The following GRM4 variants were observed in gnomAD, a reference collection of about 807,000 sequenced individuals.
The protein encoded by GRM4 is glutamate metabotropic receptor 4, also known as metabotropic glutamate receptor 4.
In GRM4, 28 loss-of-function variants were observed where a neutral mutation model predicts 81.7. That is an observed-to-expected ratio of 0.34 (90% CI 0.25 to 0.47). GRM4 has a LOEUF of 0.47. GRM4 is among the 20% of genes least tolerant of loss of function. The pLI is 1.00. For synonymous variants in GRM4, 488 were observed against 528.8 expected, an observed-to-expected ratio of 0.92 and a Z score of 1.06; for missense variants, 948 against 1,290.0, an observed-to-expected ratio of 0.73 and a Z score of 4.06.
chr6:34,144,730 C>T (rs899303720), intron 1 of GRM4, among the ~76,000 whole-genome samples: 3 of 152,152 alleles, frequency 2.0e-5, no homozygotes, highest in African/African-American at 7.2e-5. Context: ...CTCCGCAGAC[C>T]GGGATGCGCT....
At position 34,133,149 on chromosome 6, in the gene GRM4, G is replaced by A. The variant is rs777645921; in HGVS notation, c.348C>T (p.Leu116=). 6.8e-6 allele frequency: 11 copies of A among 1,613,902 alleles called. No homozygotes were observed. The highest frequency in any genetic ancestry group is 6.7e-5 in the East Asian group (3 of 44,882). ...LDTCSRDTHA[L]EQSLTFVQAL... ...CCTGCACAAAGGTCAGCGACTGCTC[G>A]AGGGCATGGGTGTCCCTGGAGCAGG... The change falls in exon 2 of 11, where the codon CTC becomes CTT. Residue 116 remains leucine, a synonymous_variant. Transcript: ENST00000538487. This position sits in a 1 kb window ranked among gnomAD's most constrained non-coding sequence, Gnocchi z 6.5.
intron 2 of GRM4, chr6:34,100,007 C>A: frequency 1.0e-6 from 1 of 964,726 alleles, no homozygotes; most frequent in Non-Finnish European, 1.2e-6. Flanking sequence ...CAGGACTTGA[C>A]TCCCTCATTA....
intron 5 of GRM4, among the ~76,000 whole-genome samples, chr6:34,058,135 G>A (rs1765999425): frequency 6.6e-6 from 1 of 152,150 alleles, no homozygotes; most frequent in Admixed American, 6.5e-5. Context: ...GCAGGGACAG[G>A]CATGGGCCTG....
exon 1 of GRM4, chr6:34,155,498 C>G: frequency 1.5e-6 from 1 of 659,046 alleles, no homozygotes; most frequent in Non-Finnish European, 2.4e-6. Flanking sequence ...TCCCTGTGTC[C>G]AGGCCGCATC....
At position 34,036,050 on chromosome 6, in the gene GRM4, G is replaced by A. The variant is rs563067879; in HGVS notation, c.2060C>T (p.Ser687Leu). 3.1e-5 allele frequency: 50 copies of A among 1,614,136 alleles called. No individual in the cohort carries two copies. Among genetic ancestry groups the A allele is most frequent in the Middle Eastern group, 1.6e-4 (1 of 6,062 alleles). Residue 687 changes from serine (S) to leucine (L), a missense_variant, in exon 9 of 11, where the codon TCG (serine) becomes TTG (leucine). Coordinates refer to ENST00000538487, the MANE Select transcript of GRM4 (RefSeq NM_000841.4). This position sits in a 1 kb window ranked among gnomAD's most constrained non-coding sequence, Gnocchi z 9.0. Reference protein sequence around the residue: ...IYRIFEQGKRSVSAPRFISPA... With the variant: ...IYRIFEQGKRLVSAPRFISPA... ...GCTGATGAAGCGTGGGGCACTGACCGAGCGCTTGCCCTGCTCGAAGATGCG... is the reference window on the plus strand; with the variant it reads ...GCTGATGAAGCGTGGGGCACTGACCAAGCGCTTGCCCTGCTCGAAGATGCG...
At chr6:34,134,574 T>C (rs1188030853) in intron 1 of GRM4, among the ~76,000 whole-genome samples, 1 of 152,026 alleles carries the variant, frequency 6.6e-6, no homozygotes, top group African/African-American at 2.4e-5. Flanking sequence ...ACTCTCCTGC[T>C]TCCACCCCAG....
Position 34,036,376 on chromosome 6 carries a change from G to A in GRM4, c.1734C>T (p.Ile578=). 2.5e-6 allele frequency: 4 copies of A among 1,612,640 alleles called. No homozygotes were observed. The highest frequency in any genetic ancestry group is 1.7e-5 in the Admixed American group (1 of 59,998). The change falls in exon 9 of 11, where the codon ATC becomes ATT. Residue 578 remains isoleucine, a synonymous_variant. Coordinates refer to ENST00000538487, the MANE Select transcript of GRM4 (RefSeq NM_000841.4). This position sits in a 1 kb window ranked among gnomAD's most constrained non-coding sequence, Gnocchi z 9.0. ...ENRTGCRPIP[I]IKLEWGSPWA... ...AGGGCGAGCCCCACTCAAGCTTGAT[G>A]ATGGGGATGGGCCGGCAGCCCGTGC...
Position 34,034,460 on chromosome 6 carries a change from T to A in GRM4, c.2442+1208A>T, listed in dbSNP as rs1223086690. On this transcript the variant is annotated intron_variant, in intron 9 of 10. Transcript: ENST00000538487. This position sits in a 1 kb window ranked among gnomAD's most constrained non-coding sequence, Gnocchi z 4.0. ...ATGACAGTGACCTTCTCACAGCTGC[T>A]CTTGGCAGCCAGAGGGTCCTTTTCA... is the stretch of plus-strand genomic sequence containing the variant. 2.0e-5 allele frequency among the ~76,000 whole-genome samples: 3 copies of A among 152,208 alleles called. No individual in the cohort carries two copies. The highest frequency in any genetic ancestry group is 6.5e-5 in the Admixed American group (1 of 15,284).
At position 34,067,382 on chromosome 6, in the gene GRM4, G is replaced by A. The variant is rs578152133; in HGVS notation, c.737-5354C>T. The stretch of plus-strand genomic sequence containing the variant: ...CCTCCTTCCTTCGCTCCCTCCCTCC[G>A]TCCTTCCCTCCCTCCCTCCGTCCTT... On this transcript the variant is annotated intron_variant, in intron 3 of 10. Coordinates refer to ENST00000538487, the MANE Select transcript of GRM4 (RefSeq NM_000841.4). Among the ~76,000 whole-genome samples the A allele has an allele frequency of 2.8e-3, 257 of 91,746 alleles. 3 individuals carry two copies. The highest frequency in any genetic ancestry group is 0.01 in the African/African-American group (230 of 22,688). 60.2% of individuals were successfully genotyped at this position (91,746 alleles called of 152,430 possible).
intron 1 of GRM4, among the ~76,000 whole-genome samples, chr6:34,145,675 C>A (rs192071571): frequency 0.01 from 1,544 of 152,318 alleles, 16 homozygotes; most frequent in Middle Eastern, 0.048. Context: ...AGCCGGGAAG[C>A]GCAAGGGGGC....
upstream of GRM4, among the ~76,000 whole-genome samples, chr6:34,150,856 C>T (rs1771030751): frequency 6.6e-6 from 1 of 152,282 alleles, no homozygotes; most frequent in South Asian, 2.1e-4. Flanking sequence ...GCACTTTATT[C>T]AAAAAGAAGG....
intron 3 of GRM4, among the ~76,000 whole-genome samples, chr6:34,086,674 C>T (rs559565029): frequency 1.3e-5 from 2 of 152,348 alleles, no homozygotes; most frequent in East Asian, 3.9e-4. Context: ...AGTTCAGTGG[C>T]TGGGGAGAGT....
intron 9 of GRM4, 115 bp from the exon 10 acceptor site, chr6:34,028,481 AGTC>A (rs1294161404): frequency 2.1e-5 from 25 of 1,191,616 alleles, no homozygotes; most frequent in East Asian, 2.4e-5. Flanking sequence ...GGCAGAAGGA[AGTC>A]GTGGCTTGGA....
upstream of GRM4, among the ~76,000 whole-genome samples, chr6:34,149,437 G>A (rs1004103132): frequency 6.6e-6 from 1 of 152,222 alleles, no homozygotes; most frequent in Admixed American, 6.5e-5. Flanking sequence ...TCAGGATGAA[G>A]AGCTGACTGC....
rs1765451692 is a variant in GRM4, at chr6:34,048,355, C to G, written c.1169-7607G>C. Among the ~76,000 whole-genome samples, 9 of 152,104 alleles carry G rather than the reference C, an allele frequency of 5.9e-5. No individual in the cohort carries two copies. In the South Asian group the frequency reaches 1.9e-3, roughly 32 times the overall value. ...AGTCACACCTGGCGCCTGCACAGCC[C>G]CGTGCCCAAGAAGGATCAGCTCTCG... On this transcript the variant is annotated intron_variant, in intron 6 of 10. Transcript: ENST00000538487. The surrounding 1 kb of genome is among the most constrained non-coding windows in gnomAD (Gnocchi z 4.0).
At chr6:34,134,292 G>A (rs958108748) in intron 1 of GRM4, among the ~76,000 whole-genome samples, 2 of 152,194 alleles carry the variant, frequency 1.3e-5, no homozygotes, top group African/African-American at 4.8e-5. Flanking sequence ...CAGGGAGTGT[G>A]CAGTTTAATT....
rs747555714 is a variant in GRM4 at position 34,059,144 on chromosome 6, C to T, written c.873-16G>A. On this transcript the variant is annotated splice_polypyrimidine_tract_variant and intron_variant, in intron 4 of 10. Coordinates refer to ENST00000538487, the MANE Select transcript of GRM4 (RefSeq NM_000841.4). The surrounding 1 kb of genome is among the most constrained non-coding windows in gnomAD (Gnocchi z 5.7). The stretch of plus-strand genomic sequence containing the variant: ...CAGCACACGCCTGTAGGAACATACA[C>T]CAGCCCAGCCCAGCCGCGTCTGTCC... 1.2e-6 allele frequency: 2 copies of T among 1,611,218 alleles called. No homozygotes were observed. Among genetic ancestry groups the T allele is most frequent in the Non-Finnish European group, 1.7e-6 (2 of 1,178,536 alleles).
At position 34,018,709 on chromosome 6, in the gene GRM4, A is replaced by C. The variant is rs1763765016; in HGVS notation, c.*4112T>G. 6.6e-6 allele frequency: 1 copy of C among 151,988 alleles called. No individual in the cohort carries two copies. The highest frequency in any genetic ancestry group is 1.5e-5 in the Non-Finnish European group (1 of 67,998). 9.4% of individuals were successfully genotyped at this position (151,988 alleles called of 1,614,324 possible). A position where few individuals can be genotyped will look rare whatever the true frequency, so the allele number is the denominator to read the frequency against. ...CTGAATTACACAGGCAGGGCCTTGG[A>C]GGTTACCTAAAAATAAAGCAAGAAG... On this transcript the variant is annotated 3_prime_UTR_variant, in exon 11 of 11. Coordinates refer to ENST00000538487, the MANE Select transcript of GRM4 (RefSeq NM_000841.4).
intron 2 of GRM4, among the ~76,000 whole-genome samples, chr6:34,107,938 C>T (rs1173773680): frequency 2.0e-5 from 3 of 152,236 alleles, no homozygotes; most frequent in African/African-American, 7.2e-5. Flanking sequence ...ACACTGAGCC[C>T]ACCAAAAACA....
Sources: allele counts gnomAD v4.1 joint callset (sites outside exome capture counted in the v4.1 genomes callset), GRCh38; gene constraint gnomAD v4.1.1; non-coding constraint Gnocchi (gnomAD v3.1); transcripts MANE v1.5; gene names NCBI Gene and HGNC (gene_info 2026-07-23, HGNC 2026-07-21).